The following RPSA variants were observed in gnomAD, a reference collection of about 807,000 sequenced individuals.
The protein encoded by RPSA is small ribosomal subunit protein uS2.
For missense variants in RPSA, 140 were observed against 372.8 expected (o/e 0.38, Z 5.14); for synonymous variants, 103 against 126.7 (o/e 0.81, Z 1.25).
intron 3 of RPSA, chr3:39,410,279 CA>C (rs1300640647): frequency 6.1e-6 from 1 of 164,826 alleles, no homozygotes; most frequent in Non-Finnish European, 1.4e-5. Context: ...AGAGTTCTAA[CA>C]GGGATTTTAT....
chr3:39,408,448 C>G (rs777909736), intron 2 of RPSA, 158 bp from the exon 3 acceptor site: 1 of 773,554 alleles, frequency 1.3e-6, no homozygotes, highest in Admixed American at 1.7e-5. Flanking sequence ...TTCTGAGTGT[C>G]GGAAGTGTGC....
At chr3:39,408,463 TCAATGG>T (rs758487900) in intron 2 of RPSA, 137 bp from the exon 3 acceptor site, 2 of 777,622 alleles carry the variant, frequency 2.6e-6, no homozygotes, top group Non-Finnish European at 4.8e-6. Context: ...GTGTGCTATA[TCAATGG>T]CAGGATTTTC....
intron 3 of RPSA, 108 bp downstream of exon 3, chr3:39,408,832 G>T: frequency 1.3e-6 from 1 of 764,154 alleles, no homozygotes; most frequent in South Asian, 1.4e-5. Context: ...GGGCGCGGTG[G>T]CTACGCCTGT....
intron 2 of RPSA, chr3:39,407,994 A>C: frequency 5.6e-6 from 3 of 536,898 alleles, no homozygotes; most frequent in Non-Finnish European, 6.6e-6. Flanking sequence ...TGTCTGAGTT[A>C]CGGGACTTGG....
intron 3 of RPSA, 62 bp downstream of exon 3, chr3:39,408,786 A>G (rs781413315): frequency 5.7e-5 from 50 of 883,444 alleles, no homozygotes; most frequent in Non-Finnish European, 8.7e-5. Context: ...ATTGTGAGAC[A>G]TAGAAAGACA....
In RPSA at chr3:39,408,728, T is replaced by C. The variant is rs1292871551; in HGVS notation, c.252+4T>C. The C allele has an allele frequency of 7.3e-7, 1 of 1,368,480 alleles. No homozygotes were observed. Among genetic ancestry groups the C allele is most frequent in the Admixed American group, 1.7e-5 (1 of 59,710 alleles). The allele number at this position is 1,368,480 out of a possible 1,614,324, so 84.8% of individuals were successfully genotyped here. On this transcript the variant is annotated splice_donor_region_variant and intron_variant, in intron 3 of 6. Coordinates refer to ENST00000301821, the MANE Select transcript of RPSA (RefSeq NM_002295.6). ...ATCCTCCAGGAATACTGGCCAGGTT[T>C]GTGGAACAGTGGTTAGTTTTTATAT...
At chr3:39,406,855 A>G (rs2041923861) in intron 1 of RPSA, 91 bp downstream of exon 1, 2 of 456,212 alleles carry the variant, frequency 4.4e-6, no homozygotes, top group Non-Finnish European at 8.8e-6. Flanking sequence ...TAGTGATGAA[A>G]GCCGGTCAGA....
intron 6 of RPSA, 30 bp from the exon 7 acceptor site, chr3:39,412,244 T>A (rs1459025716): frequency 6.5e-7 from 1 of 1,547,962 alleles, no homozygotes; most frequent in East Asian, 2.2e-5. Context: ...AGGACAGAGC[T>A]GATGGCTTTT....
At chr3:39,411,446 T>C (rs930689037) in intron 4 of RPSA, 3 of 604,136 alleles carry the variant, frequency 5.0e-6, no homozygotes, top group South Asian at 4.0e-5. Context: ...AATGCCAGTG[T>C]CCAGGCATTT....
chr3:39,410,488 T>G (rs2041990493), intron 3 of RPSA: 1 of 481,154 alleles, frequency 2.1e-6, no homozygotes, highest in African/African-American at 2.0e-5. Context: ...CAGTTCTTGC[T>G]TGCTTGAGAA....
chr3:39,409,025 C>T, intron 3 of RPSA: 1 of 309,596 alleles, frequency 3.2e-6, no homozygotes, highest in Non-Finnish European at 6.2e-6. Context: ...GCGGAGCTTG[C>T]AGTGAGCTGA....
chr3:39,411,418 GC>G, intron 4 of RPSA: 1 of 578,624 alleles, frequency 1.7e-6, no homozygotes, highest in Non-Finnish European at 3.1e-6. Flanking sequence ...CATAAGAATT[GC>G]CCAGATATTT....
rs71091746 is a variant in RPSA at position 39,409,184 on chromosome 3, CT to C, written c.252+483del. Among the ~76,000 whole-genome samples the C allele has an allele frequency of 9.9e-3, 845 of 85,356 alleles. 14 individuals are homozygous for C. The highest frequency in any genetic ancestry group is 0.033 in the African/African-American group (780 of 23,336). The allele number at this position is 85,356 out of a possible 152,430, so 56.0% of individuals were successfully genotyped here. On this transcript the variant is annotated intron_variant, in intron 3 of 6. Transcript: ENST00000301821. ...ATCGCCCTTATGACCTATGACCTTC[CT>C]TTTTTTTTTTTTTTTTTTTTTTCCT...
intron 1 of RPSA, 83 bp downstream of exon 1, chr3:39,406,847 G>C (rs1365060309): frequency 4.4e-6 from 2 of 456,210 alleles, no homozygotes; most frequent in East Asian, 7.0e-5. Flanking sequence ...GAGAAGACTA[G>C]TGATGAAAGC....
Position 39,409,177 on chromosome 3 carries a change from G to C in RPSA, c.252+453G>C, listed in dbSNP as rs901476654. Among the ~76,000 whole-genome samples the C allele has an allele frequency of 1.1e-4, 13 of 117,838 alleles. 1 individual carries two copies. The highest frequency in any genetic ancestry group is 3.3e-4 in the African/African-American group (12 of 35,938). 77.3% of individuals were successfully genotyped at this position (117,838 alleles called of 152,430 possible). ...CATAGAAATCGCCCTTATGACCTAT[G>C]ACCTTCCTTTTTTTTTTTTTTTTTT... On this transcript the variant is annotated intron_variant, in intron 3 of 6. Coordinates refer to ENST00000301821, the MANE Select transcript of RPSA (RefSeq NM_002295.6).
chr3:39,412,322 C>G lies in RPSA; in HGVS notation c.842C>G (p.Thr281Ser). ...ACGGAAGACTGGTCTGCAGCTCCCACTGCTCAGGCCACTGAATGGGTAGGA... is the reference window on the plus strand; with the variant it reads ...ACGGAAGACTGGTCTGCAGCTCCCAGTGCTCAGGCCACTGAATGGGTAGGA... ...PATEDWSAAP[T>S]AQATEWVGAT... The change falls in exon 7 of 7, where the codon ACT becomes AGT. Residue 281 changes from threonine (T) to serine (S), a missense_variant. Transcript: ENST00000301821. 1 of 1,607,400 alleles carries G rather than the reference C, an allele frequency of 6.2e-7. No individual in the cohort carries two copies. Among genetic ancestry groups the G allele is most frequent in the Non-Finnish European group, 8.5e-7 (1 of 1,174,952 alleles).
At chr3:39,409,824 G>A (rs111528174) in intron 3 of RPSA, among the ~76,000 whole-genome samples, 48 of 145,364 alleles carry the variant, frequency 3.3e-4, no homozygotes, top group African/African-American at 1.0e-3. Flanking sequence ...CACAGAGTGA[G>A]ATCCTGTTTC....
chr3:39,408,413 T>C (rs538269180), intron 2 of RPSA, 193 bp from the exon 3 acceptor site: 64 of 761,674 alleles, frequency 8.4e-5, no homozygotes, highest in African/African-American at 7.8e-4. Context: ...AAGCTCAGGG[T>C]GGAGGCCAGT....
rs572918553 is a variant in RPSA at position 39,406,754 on chromosome 3, C to A, written c.-44C>A. The A allele has an allele frequency of 3.3e-5, 14 of 422,374 alleles. No homozygotes were observed. The highest frequency in any genetic ancestry group is 2.5e-4 in the African/African-American group (12 of 48,764). 26.2% of individuals were successfully genotyped at this position (422,374 alleles called of 1,614,324 possible). A position where few individuals can be genotyped will look rare whatever the true frequency, so the allele number is the denominator to read the frequency against. On this transcript the variant is annotated 5_prime_UTR_variant, in exon 1 of 7. Transcript: ENST00000301821. Reference sequence around the variant, plus strand: ...GCTACCTGCAGAGGGGTCCATACGGCGTTGTTCTGGGTGAGTTCCGTGTAG... The same window carrying A: ...GCTACCTGCAGAGGGGTCCATACGGAGTTGTTCTGGGTGAGTTCCGTGTAG...
Sources: gnomAD v4.1 joint callset for allele counts (sites outside exome capture counted in the v4.1 genomes callset) on GRCh38, gnomAD v4.1.1 for gene constraint, MANE v1.5 for transcripts, NCBI Gene and HGNC (gene_info 2026-07-23, HGNC 2026-07-21) for gene names.